The following NELL1 variants were observed in gnomAD, a reference collection of about 807,000 sequenced individuals.
NELL1 encodes the protein protein kinase C-binding protein NELL1.
A neutral mutation model predicts 107.4 loss-of-function variants in NELL1; 76 were observed. The observed-to-expected ratio is 0.71, with a 90% CI of 0.59 to 0.86. The LOEUF is 0.86. NELL1 is among the 40% of genes least tolerant of loss of function. The pLI is 0.00. For missense variants in NELL1, 1,024 were observed against 1,005.5 expected (o/e 1.02, Z -0.25); for synonymous variants, 353 against 341.2 (o/e 1.03, Z -0.38).
chr11:21,574,848 A>AT, intron 19 of NELL1, 124 bp from the exon 20 acceptor site: 3 of 764,084 alleles, frequency 3.9e-6, no homozygotes, highest in Non-Finnish European at 6.5e-6. Flanking sequence ...TTTTCTAGTC[A>AT]TTTTTTATAG....
chr11:21,042,384 T>C (rs566055561), intron 12 of NELL1, among the ~76,000 whole-genome samples: 106 of 152,304 alleles, frequency 7.0e-4, no homozygotes, highest in African/African-American at 2.2e-3. Flanking sequence ...CATACTACTA[T>C]GCTCATGAGC....
intron 14 of NELL1, among the ~76,000 whole-genome samples, chr11:21,273,114 G>C (rs1015146946): frequency 3.3e-5 from 5 of 152,102 alleles, no homozygotes; most frequent in Non-Finnish European, 7.3e-5. Context: ...CGAGCTACAG[G>C]AGGAAGTTCA....
chr11:21,189,681 C>CTTTTTTTTTT (rs58557342), intron 13 of NELL1, among the ~76,000 whole-genome samples: 1 of 141,496 alleles, frequency 7.1e-6, no homozygotes. Context: ...TTGTTTCTTC[C>CTTTTTTTTTT]TTTTTTTTTT....
chr11:21,221,071 A>G (rs1469096657), intron 13 of NELL1, among the ~76,000 whole-genome samples: 1 of 152,150 alleles, frequency 6.6e-6, no homozygotes, highest in Non-Finnish European at 1.5e-5. Context: ...GAGAGTTTTT[A>G]TCATGAAGTG....
intron 12 of NELL1, among the ~76,000 whole-genome samples, chr11:20,969,183 A>C (rs1011246665): frequency 6.6e-6 from 1 of 152,060 alleles, no homozygotes; most frequent in Non-Finnish European, 1.5e-5. Flanking sequence ...TTCCTGTTGT[A>C]TCATCTCCAG....
chr11:21,210,861 C>T (rs1408258030), intron 13 of NELL1, among the ~76,000 whole-genome samples: 2 of 152,228 alleles, frequency 1.3e-5, no homozygotes, highest in South Asian at 2.1e-4. Context: ...ATTCAGTTAC[C>T]TTTCTGGGGG....
intron 12 of NELL1, among the ~76,000 whole-genome samples, chr11:21,090,036 T>C (rs1854486062): frequency 6.6e-6 from 1 of 152,210 alleles, no homozygotes; most frequent in South Asian, 2.1e-4. Context: ...GGGCTTCCTA[T>C]GGACCATGGT....
At chr11:21,050,313 A>G (rs942898632) in intron 12 of NELL1, among the ~76,000 whole-genome samples, 2 of 152,150 alleles carry the variant, frequency 1.3e-5, no homozygotes, top group Admixed American at 6.5e-5. Context: ...TCTTCAGTAA[A>G]CTAATAATTT....
At position 21,217,562 on chromosome 11, in the gene NELL1, TGAG is replaced by T. The variant is rs781634598; in HGVS notation, c.1427-11766_1427-11764del. On this transcript the variant is annotated intron_variant, in intron 13 of 19. Coordinates refer to ENST00000357134, the MANE Select transcript of NELL1 (RefSeq NM_006157.5). ...TTTAGAAAGACTGTAGGAGATGGAA[TGAG>T]GAGAGGGTAGTTTGAGTTTCAGAAG... is the stretch of plus-strand genomic sequence containing the variant. Among the ~76,000 whole-genome samples the T allele has an allele frequency of 7.2e-5, 11 of 152,230 alleles. No homozygotes were observed. In the South Asian group the frequency reaches 1.5e-3, roughly 20 times the overall value.
rs192631949 is a variant in NELL1 at position 21,512,072 on chromosome 11, T to C, written c.1646-22302T>C. Among the ~76,000 whole-genome samples, 26 of 152,340 alleles carry C rather than the reference T, an allele frequency of 1.7e-4. No homozygotes were observed. The South Asian group carries it at 4.3e-3, about 25-fold the overall frequency. On this transcript the variant is annotated intron_variant, in intron 15 of 19. Coordinates refer to ENST00000357134, the MANE Select transcript of NELL1 (RefSeq NM_006157.5). ...CGATGGTCCTCAAGCCTCAATGGCATGTTGAGAACACCTCTTGTTCCTGTC... is the reference window on the plus strand; with the variant it reads ...CGATGGTCCTCAAGCCTCAATGGCACGTTGAGAACACCTCTTGTTCCTGTC...
intron 5 of NELL1, among the ~76,000 whole-genome samples, chr11:20,896,229 A>G (rs1849734783): frequency 6.6e-6 from 1 of 152,132 alleles, no homozygotes; most frequent in Non-Finnish European, 1.5e-5. Context: ...GTGAGAACAT[A>G]CAATATTTGG....
intron 16 of NELL1, among the ~76,000 whole-genome samples, chr11:21,555,575 GA>G (rs1192053261): frequency 1.3e-5 from 2 of 151,960 alleles, no homozygotes; most frequent in Non-Finnish European, 2.9e-5. Flanking sequence ...TGCAGAGTAA[GA>G]AAATTATACA....
intron 12 of NELL1, among the ~76,000 whole-genome samples, chr11:21,073,663 C>A (rs1022282503): frequency 6.6e-6 from 1 of 152,090 alleles, no homozygotes. Context: ...TTATTATGAA[C>A]AAGCACAGTC....
At chr11:20,977,188 A>G (rs1051433850) in intron 12 of NELL1, among the ~76,000 whole-genome samples, 1 of 151,556 alleles carries the variant, frequency 6.6e-6, no homozygotes, top group African/African-American at 2.4e-5. Context: ...TTTTTTCCTT[A>G]GGGTATTTTA....
chr11:20,903,088 T>A (rs1254226198), intron 5 of NELL1, among the ~76,000 whole-genome samples: 2 of 152,088 alleles, frequency 1.3e-5, no homozygotes, highest in Non-Finnish European at 2.9e-5. Flanking sequence ...GTTTTGTACA[T>A]CATAAATATT....
chr11:21,000,568 C>T (rs1028014037), intron 12 of NELL1, among the ~76,000 whole-genome samples: 1 of 152,264 alleles, frequency 6.6e-6, no homozygotes, highest in East Asian at 1.9e-4. Context: ...CTTTCAAAGT[C>T]TCATGATTTT....
chr11:21,249,979 T>C (rs896378071), intron 14 of NELL1, among the ~76,000 whole-genome samples: 1 of 152,240 alleles, frequency 6.6e-6, no homozygotes, highest in Admixed American at 6.5e-5. Flanking sequence ...CAGGAGTTAA[T>C]ATTCTTTGTT....
At chr11:21,246,009 A>G (rs1008740475) in intron 14 of NELL1, among the ~76,000 whole-genome samples, 1 of 152,128 alleles carries the variant, frequency 6.6e-6, no homozygotes, top group Non-Finnish European at 1.5e-5. Context: ...AAATTATTCC[A>G]TTTAATACAA....
intron 15 of NELL1, among the ~76,000 whole-genome samples, chr11:21,516,305 T>C (rs1001991384): frequency 6.6e-6 from 1 of 152,192 alleles, no homozygotes; most frequent in African/African-American, 2.4e-5. Flanking sequence ...CTATTCATCC[T>C]CTTCCTTATT....
Sources: gnomAD v4.1 joint callset for allele counts (sites outside exome capture counted in the v4.1 genomes callset) on GRCh38, gnomAD v4.1.1 for gene constraint, MANE v1.5 for transcripts, NCBI Gene and HGNC (gene_info 2026-07-23, HGNC 2026-07-21) for gene names.